THBS1: variants seen among roughly 807,000 people sequenced by gnomAD.
The protein encoded by THBS1 is thrombospondin 1, also known as thrombospondin-1.
In THBS1, 29 loss-of-function variants were observed where a neutral mutation model predicts 126.1. The observed-to-expected ratio is 0.23, with a 90% CI of 0.17 to 0.31. The LOEUF (loss-of-function observed/expected upper bound fraction) is 0.31, where lower values mean the gene tolerates loss of function less well. Ranked by LOEUF, THBS1 falls within the 10% of genes least tolerant of loss-of-function variation. The pLI, the probability that THBS1 is intolerant of heterozygous loss-of-function variation, is 1.00. For synonymous variants in THBS1, 496 were observed against 577.8 expected, an observed-to-expected ratio of 0.86 and a Z score of 2.03; for missense variants, 1,198 against 1,545.2, an observed-to-expected ratio of 0.78 and a Z score of 3.77.
chr15:39,585,447 C>T (rs1890191734), intron 6 of THBS1, 23 bp from the exon 7 acceptor site: 2 of 1,608,356 alleles, frequency 1.2e-6, no homozygotes, highest in Non-Finnish European at 1.7e-6. Context: ...AGCCTGTTCC[C>T]CTCTCACTCT....
chr15:39,591,189 A>G lies in THBS1; in HGVS notation c.2254-2A>G. 6.2e-7 allele frequency: 1 copy of G among 1,613,118 alleles called. No individual in the cohort carries two copies. The highest frequency in any genetic ancestry group is 8.5e-7 in the Non-Finnish European group (1 of 1,179,528). On this transcript the variant is annotated splice_acceptor_variant, in intron 14 of 21. Transcript: ENST00000260356. LOFTEE classifies it high-confidence loss of function. ...TAAGTGCTCCATTTCTTCTCTTTGC[A>G]GGACAACTGTCCATTCCATTACAAC... is the stretch of plus-strand genomic sequence containing the variant.
At chr15:39,582,025 G>T in intron 2 of THBS1, 101 bp downstream of exon 2, 1 of 1,404,032 alleles carries the variant, frequency 7.1e-7, no homozygotes, top group Non-Finnish European at 1.0e-6. Flanking sequence ...TCTTGAGCCT[G>T]ACTGGACATC....
intron 6 of THBS1, among the ~76,000 whole-genome samples, chr15:39,584,953 G>A (rs1257398351): frequency 6.6e-6 from 1 of 152,200 alleles, no homozygotes; most frequent in Non-Finnish European, 1.5e-5. Flanking sequence ...TCTATTAATA[G>A]CAAAGTATTT....
intron 15 of THBS1, 22 bp from the exon 16 acceptor site, chr15:39,591,483 A>C: frequency 6.2e-7 from 1 of 1,613,860 alleles, no homozygotes; most frequent in South Asian, 1.1e-5. Context: ...CCCAGCTCTT[A>C]TTTGTCCCTT....
At position 39,592,630 on chromosome 15, in the gene THBS1, T is replaced by C. The variant is rs1183524278; in HGVS notation, c.2595T>C (p.Asp865=). The change falls in exon 17 of 22, where the codon GAT becomes GAC. Residue 865 remains aspartate, a synonymous_variant. Transcript: ENST00000260356. This position sits in a 1 kb window ranked among gnomAD's most constrained non-coding sequence, Gnocchi z 4.3. The part of the protein sequence containing the change: ...TCDNNQDIDE[D]GHQNNLDNCP... ...ACAACAATCAGGATATTGATGAAGA[T>C]GGCCACCAGAACAATCTGGACAACT... is the stretch of plus-strand genomic sequence containing the variant. 4 of 1,614,024 alleles carry C rather than the reference T, an allele frequency of 2.5e-6. No homozygotes were observed. The highest frequency in any genetic ancestry group is 2.7e-5 in the African/African-American group (2 of 74,932).
At chr15:39,581,639 C>CCTCTCTCTCTCTTT (rs1890105267) in intron 1 of THBS1, 190 bp from the exon 2 acceptor site, 1 of 339,452 alleles carries the variant, frequency 2.9e-6, no homozygotes, top group African/African-American at 2.8e-5. Flanking sequence ...CTTTCCTCCA[C>CCTCTCTCTCTCTTT]CTCTCTCTCT....
rs1415407651 is a variant in THBS1, at chr15:39,592,518, C to T, written c.2533-50C>T. ...TGGTGGGGGCATAAGTTATCTTTAA[C>T]ATGAATGGTTTATACTGCAATTTAC... On this transcript the variant is annotated intron_variant, in intron 16 of 21. Coordinates refer to ENST00000260356, the MANE Select transcript of THBS1 (RefSeq NM_003246.4). The surrounding 1 kb of genome is among the most constrained non-coding windows in gnomAD (Gnocchi z 4.3). The T allele has an allele frequency of 6.8e-7, 1 of 1,463,892 alleles. No homozygotes were observed. 90.7% of individuals were successfully genotyped at this position (1,463,892 alleles called of 1,614,324 possible). A position where few individuals can be genotyped will look rare whatever the true frequency, so the allele number is the denominator to read the frequency against.
chr15:39,589,739 T>G lies in THBS1; in HGVS notation c.1927-66T>G. ...ACTCAGAGATGACAGGGATCTGGAT[T>G]CTTGTTTCCATGATATCTGAGGATT... On this transcript the variant is annotated intron_variant, in intron 12 of 21. Coordinates refer to ENST00000260356, the MANE Select transcript of THBS1 (RefSeq NM_003246.4). This position sits in a 1 kb window ranked among gnomAD's most constrained non-coding sequence, Gnocchi z 4.7. The G allele has an allele frequency of 6.8e-7, 1 of 1,479,480 alleles. No homozygotes were observed. 91.6% of individuals were successfully genotyped at this position (1,479,480 alleles called of 1,614,324 possible).
intron 4 of THBS1, 38 bp downstream of exon 4, chr15:39,583,730 A>G (rs370278232): frequency 1.3e-6 from 2 of 1,589,110 alleles, no homozygotes; most frequent in Non-Finnish European, 1.7e-6. Flanking sequence ...ATAGGGAATC[A>G]GGGGGAATTC....
intron 3 of THBS1, 35 bp from the exon 4 acceptor site, chr15:39,583,576 CGCTCTG>C: frequency 6.6e-7 from 1 of 1,523,810 alleles, no homozygotes; most frequent in Non-Finnish European, 9.1e-7. Context: ...ATCCCCACCC[CGCTCTG>C]CATTCTACAA....
At chr15:39,587,147 A>C in intron 7 of THBS1, 200 bp from the exon 8 acceptor site, 2 of 425,270 alleles carry the variant, frequency 4.7e-6, no homozygotes, top group Non-Finnish European at 4.1e-6. Context: ...GGTGGTAATC[A>C]CAATATATGT....
chr15:39,583,676 C>CA lies in THBS1; in HGVS notation c.690dup (p.Gly231ArgfsTer13). The CA allele has an allele frequency of 6.2e-7, 1 of 1,613,780 alleles. No individual in the cohort carries two copies. The highest frequency in any genetic ancestry group is 1.7e-5 in the Admixed American group (1 of 59,988). ...CCACACCAGAAGACATCCTCAGGAA[C>CA]AAAGGCTGCTCCAGCTGTGAGTACC... On this transcript the variant is annotated frameshift_variant, in exon 4 of 22. Transcript: ENST00000260356. LOFTEE classifies it high-confidence loss of function.
At chr15:39,582,838 TA>T in intron 3 of THBS1, 86 bp downstream of exon 3, 1 of 1,405,248 alleles carries the variant, frequency 7.1e-7, no homozygotes, top group Non-Finnish European at 9.5e-7. Flanking sequence ...ATCCTGTCTG[TA>T]AACTAACGCA....
chr15:39,581,973 C>A, intron 2 of THBS1, 49 bp downstream of exon 2: 1 of 1,596,426 alleles, frequency 6.3e-7, no homozygotes, highest in East Asian at 2.2e-5. Context: ...GGAAGAGGTG[C>A]TGGCTATCCC....
intron 3 of THBS1, among the ~76,000 whole-genome samples, chr15:39,583,186 A>G (rs914657802): frequency 6.6e-6 from 1 of 152,190 alleles, no homozygotes; most frequent in Non-Finnish European, 1.5e-5. Context: ...TGGATTCCTC[A>G]TGGGGATGCA....
At chr15:39,585,438 G>A in intron 6 of THBS1, 32 bp from the exon 7 acceptor site, 1 of 1,598,438 alleles carries the variant, frequency 6.3e-7, no homozygotes, top group Non-Finnish European at 8.6e-7. Flanking sequence ...ATGCTCAGCA[G>A]CCTGTTCCCC....
At position 39,589,520 on chromosome 15, in the gene THBS1, T is replaced by A. The variant is rs1386647356; in HGVS notation, c.1926+166T>A. ...ACGTGATTAGAAAATCCATGGTAAA[T>A]CCTGCAGGGGAAAAACAGTCTTCCA... is the stretch of plus-strand genomic sequence containing the variant. On this transcript the variant is annotated intron_variant, in intron 12 of 21. Coordinates refer to ENST00000260356, the MANE Select transcript of THBS1 (RefSeq NM_003246.4). The surrounding 1 kb of genome is among the most constrained non-coding windows in gnomAD (Gnocchi z 4.7). Among the ~76,000 whole-genome samples the A allele has an allele frequency of 2.0e-5, 3 of 151,972 alleles. No individual in the cohort carries two copies. Among genetic ancestry groups the A allele is most frequent in the Non-Finnish European group, 2.9e-5 (2 of 67,982 alleles).
Position 39,582,186 on chromosome 15 carries a change from C to A in THBS1, c.68-7C>A. 6.3e-7 allele frequency: 1 copy of A among 1,589,514 alleles called. No homozygotes were observed. The highest frequency in any genetic ancestry group is 8.6e-7 in the Non-Finnish European group (1 of 1,167,962). ...AAGCTCACTTTGTGTTCTCTCCTGT[C>A]TAACAGAGTCTGGCGGAGACAACAG... On this transcript the variant is annotated splice_polypyrimidine_tract_variant and splice_region_variant and intron_variant, in intron 2 of 21. Coordinates refer to ENST00000260356, the MANE Select transcript of THBS1 (RefSeq NM_003246.4).
rs777692527 is a variant in THBS1 at position 39,584,338 on chromosome 15, G to T, written c.942G>T (p.Arg314=). Residue 314 remains arginine (R), a synonymous_variant, in exon 6 of 22, where the codon CGG becomes CGT. Coordinates refer to ENST00000260356, the MANE Select transcript of THBS1 (RefSeq NM_003246.4). ...AAGAGTTGGCCAATGAGCTGAGGCG[G>T]CCTCCCCTATGCTATCACAACGGAG... ...ENKELANELR[R]PPLCYHNGVQ... The T allele has an allele frequency of 3.1e-6, 5 of 1,614,218 alleles. 1 individual carries two copies. The South Asian group carries it at 3.3e-5, about 11-fold the overall frequency.
Sources: allele counts gnomAD v4.1 joint callset (sites outside exome capture counted in the v4.1 genomes callset), GRCh38; gene constraint gnomAD v4.1.1; non-coding constraint Gnocchi (gnomAD v3.1); transcripts MANE v1.5; gene names NCBI Gene and HGNC (gene_info 2026-07-23, HGNC 2026-07-21).